TOP6BL: variants seen among roughly 807,000 people sequenced by gnomAD.
TOP6BL encodes TOP6B like initiator of meiotic double strand breaks.
the TOP6BL span, chr11:66,843,308 T>G: frequency 4.8e-5 from 75 of 1,552,434 alleles, no homozygotes; most frequent in Non-Finnish European, 6.3e-5. Context: ...TTAATAAAGC[T>G]GCCGCGCGCT....
the TOP6BL span, chr11:66,838,435 G>A: frequency 6.2e-7 from 1 of 1,613,752 alleles, no homozygotes; most frequent in Non-Finnish European, 8.5e-7. Context: ...GCAGCCTGGA[G>A]CTCCTAGCAG....
the TOP6BL span, chr11:66,748,570 G>A: frequency 2.5e-5 from 33 of 1,346,492 alleles, no homozygotes; most frequent in Middle Eastern, 4.6e-4. Flanking sequence ...GGTTTATGTC[G>A]TAGCTTATTT....
At chr11:66,772,738 C>T in the TOP6BL span, among the ~76,000 whole-genome samples, 2 of 152,344 alleles carry the variant, frequency 1.3e-5, no homozygotes, top group Non-Finnish European at 2.9e-5. Context: ...CCACTGCACT[C>T]CAGCCTGTAT....
At chr11:66,843,289 T>C in the TOP6BL span, 2 of 1,587,748 alleles carry the variant, frequency 1.3e-6, no homozygotes, top group Non-Finnish European at 1.7e-6. Context: ...GCAGCCGTTA[T>C]CCCGTGGTTT....
At chr11:66,774,347 T>C in the TOP6BL span, among the ~76,000 whole-genome samples, 1 of 152,322 alleles carries the variant, frequency 6.6e-6, no homozygotes, top group Admixed American at 6.5e-5. Context: ...GGGCCAGTAT[T>C]GTAGAGTTTT....
the TOP6BL span, among the ~76,000 whole-genome samples, chr11:66,785,079 C>G: frequency 6.6e-6 from 1 of 151,730 alleles, no homozygotes; most frequent in Admixed American, 6.6e-5. Flanking sequence ...CCTCAGCCTC[C>G]CAAGTAGCTG....
the TOP6BL span, among the ~76,000 whole-genome samples, chr11:66,746,129 G>A: frequency 6.6e-6 from 1 of 152,138 alleles, no homozygotes; most frequent in African/African-American, 2.4e-5. Context: ...TATCGTAACA[G>A]AGGACGTGTG....
chr11:66,806,767 AAAG>A, the TOP6BL span, among the ~76,000 whole-genome samples: 1 of 152,168 alleles, frequency 6.6e-6, no homozygotes, highest in Non-Finnish European at 1.5e-5. Context: ...AAATAAAAAA[AAAG>A]AGAGAACAGA....
At chr11:66,753,001 C>A in the TOP6BL span, among the ~76,000 whole-genome samples, 1 of 151,912 alleles carries the variant, frequency 6.6e-6, no homozygotes, top group East Asian at 2.0e-4. Flanking sequence ...TGGCAGTATG[C>A]GGCTGTAGTC....
the TOP6BL span, among the ~76,000 whole-genome samples, chr11:66,748,945 G>A: frequency 6.7e-6 from 1 of 149,880 alleles, no homozygotes. Flanking sequence ...TCTTCCATTT[G>A]GCTTTCATGC....
At chr11:66,821,154 A>G in the TOP6BL span, among the ~76,000 whole-genome samples, 4 of 152,200 alleles carry the variant, frequency 2.6e-5, no homozygotes, top group Non-Finnish European at 4.4e-5. Flanking sequence ...AACTACTGTG[A>G]TAATTTGTAC....
the TOP6BL span, among the ~76,000 whole-genome samples, chr11:66,768,039 A>G: frequency 5.8e-4 from 88 of 152,220 alleles, 1 homozygote; most frequent in African/African-American, 2.1e-3. Context: ...CGATCCTCCC[A>G]CCTTGGCCTC....
the TOP6BL span, among the ~76,000 whole-genome samples, chr11:66,788,842 C>T: frequency 5.3e-5 from 8 of 152,288 alleles, no homozygotes; most frequent in South Asian, 1.2e-3. Context: ...ACTTGAACTC[C>T]TGAGCTTAAG....
At chr11:66,817,596 A>C in the TOP6BL span, among the ~76,000 whole-genome samples, 3 of 151,842 alleles carry the variant, frequency 2.0e-5, no homozygotes, top group Admixed American at 6.6e-5. Flanking sequence ...ACGCCACCAC[A>C]CCTGGCTAAT....
chr11:66,804,264 T>G, the TOP6BL span: 1 of 1,177,186 alleles, frequency 8.5e-7, no homozygotes, highest in Non-Finnish European at 1.2e-6. Flanking sequence ...AGGAAAGCCT[T>G]TAGTATGTGA....
the TOP6BL span, among the ~76,000 whole-genome samples, chr11:66,772,407 G>A: frequency 1.3e-5 from 2 of 152,120 alleles, no homozygotes; most frequent in East Asian, 1.9e-4. Flanking sequence ...GGAGTTGTAG[G>A]GTGCAGTGAG....
the TOP6BL span, chr11:66,788,356 C>T: frequency 9.9e-7 from 1 of 1,008,668 alleles, no homozygotes; most frequent in Non-Finnish European, 1.5e-6. Flanking sequence ...AGCCTAGGTC[C>T]ATCAAAGTTC....
the TOP6BL span, among the ~76,000 whole-genome samples, chr11:66,780,464 A>C: frequency 3.3e-5 from 5 of 152,146 alleles, no homozygotes; most frequent in African/African-American, 1.2e-4. Context: ...CCTTTACCTT[A>C]ACCTCATTTT....
the TOP6BL span, among the ~76,000 whole-genome samples, chr11:66,841,023 T>C: frequency 1.3e-5 from 2 of 151,900 alleles, no homozygotes; most frequent in African/African-American, 4.8e-5. Context: ...CAGTTTCCTC[T>C]CTCCTGACTA....
Sources: allele counts gnomAD v4.1 joint callset (sites outside exome capture counted in the v4.1 genomes callset), GRCh38; gene constraint gnomAD v4.1.1; transcripts MANE v1.5; gene names NCBI Gene and HGNC (gene_info 2026-07-23, HGNC 2026-07-21).